The following HS2ST1 variants were observed in gnomAD, a reference collection of about 807,000 sequenced individuals.
The protein encoded by HS2ST1 is 2-O-sulfotransferase.
HS2ST1 carries 18 observed loss-of-function variants against 42.9 expected under a neutral mutation model. The ratio of observed to expected loss-of-function variants is 0.42; its 90% CI spans 0.29 to 0.62. The LOEUF is 0.62. HS2ST1 is among the 20% of genes least tolerant of loss of function. HS2ST1 has a pLI of 0.21. For synonymous variants in HS2ST1, 146 were observed against 152.9 expected (o/e 0.95, Z 0.33); for missense variants, 334 against 433.8 (o/e 0.77, Z 2.04).
intron 1 of HS2ST1, among the ~76,000 whole-genome samples, chr1:86,969,514 A>AC (rs1451292428): frequency 6.6e-6 from 1 of 152,208 alleles, no homozygotes; most frequent in Non-Finnish European, 1.5e-5. Flanking sequence ...TAAGAGCTAG[A>AC]CTTTCATAAT....
chr1:87,088,802 A>G lies in HS2ST1; in HGVS notation c.450-3729A>G, dbSNP rs117014535. Reference sequence around the variant, plus strand: ...AATGCCCCTTTTTAAGACATAAATTACTTTAAAAATATTTATTTACACTAT... The same window carrying G: ...AATGCCCCTTTTTAAGACATAAATTGCTTTAAAAATATTTATTTACACTAT... On this transcript the variant is annotated intron_variant, in intron 3 of 6. Coordinates refer to ENST00000370550, the MANE Select transcript of HS2ST1 (RefSeq NM_012262.4). Among the ~76,000 whole-genome samples the G allele has an allele frequency of 4.3e-4, 66 of 152,070 alleles. No individual in the cohort carries two copies. The East Asian group carries it at 8.9e-3, about 20-fold the overall frequency.
At chr1:87,064,832 T>A (rs1047323489) in intron 1 of HS2ST1, among the ~76,000 whole-genome samples, 2 of 152,116 alleles carry the variant, frequency 1.3e-5, no homozygotes, top group Non-Finnish European at 2.9e-5. Flanking sequence ...AGCTAATTTT[T>A]AAAAATTTTT....
intron 1 of HS2ST1, among the ~76,000 whole-genome samples, chr1:87,025,501 A>G (rs972810205): frequency 1.3e-5 from 2 of 152,194 alleles, no homozygotes; most frequent in Non-Finnish European, 1.5e-5. Context: ...AAAAGGGTAA[A>G]TTTGGAATTA....
intron 3 of HS2ST1, among the ~76,000 whole-genome samples, chr1:87,085,988 T>A (rs1003208883): frequency 5.3e-5 from 8 of 152,136 alleles, no homozygotes; most frequent in African/African-American, 1.9e-4. Context: ...TTGTGAAAAT[T>A]TTTCATAGAT....
intron 1 of HS2ST1, among the ~76,000 whole-genome samples, chr1:86,957,793 AT>A (rs34769860): frequency 0.24 from 32,055 of 136,260 alleles, 3,817 homozygotes; most frequent in African/African-American, 0.37. Context: ...GTTTTTTTAG[AT>A]TTTTTTTTTT....
intron 1 of HS2ST1, among the ~76,000 whole-genome samples, chr1:87,041,768 A>G (rs117595371): frequency 1.3e-5 from 2 of 152,320 alleles, no homozygotes; most frequent in East Asian, 3.9e-4. Context: ...ATGGAATTTC[A>G]TTCTTTTAAA....
chr1:87,042,530 C>G (rs1477877728), intron 1 of HS2ST1, among the ~76,000 whole-genome samples: 2 of 152,024 alleles, frequency 1.3e-5, no homozygotes, highest in Non-Finnish European at 2.9e-5. Flanking sequence ...AAATGAAAAA[C>G]CCATCTCCTT....
At chr1:86,988,761 G>T (rs1570467227) in intron 1 of HS2ST1, among the ~76,000 whole-genome samples, 1 of 152,168 alleles carries the variant, frequency 6.6e-6, no homozygotes, top group South Asian at 2.1e-4. Flanking sequence ...ATTCAAACGG[G>T]TCATTTTGTT....
intron 1 of HS2ST1, among the ~76,000 whole-genome samples, chr1:87,002,955 A>G (rs775315043): frequency 6.6e-6 from 1 of 152,252 alleles, no homozygotes; most frequent in Non-Finnish European, 1.5e-5. Flanking sequence ...TAAATGTACA[A>G]CACATAAGTG....
chr1:86,953,242 G>C (rs1647575356), intron 1 of HS2ST1, among the ~76,000 whole-genome samples: 1 of 152,224 alleles, frequency 6.6e-6, no homozygotes, highest in Non-Finnish European at 1.5e-5. Flanking sequence ...CTCTGGGGTA[G>C]GCTTTGACTT....
At chr1:86,927,948 C>CTTCAGACAATGAATTGTACATCAAA (rs1553130577) in intron 1 of HS2ST1, among the ~76,000 whole-genome samples, 13 of 152,134 alleles carry the variant, frequency 8.5e-5, no homozygotes, top group African/African-American at 3.1e-4. Context: ...CATAGCTTGT[C>CTTCAGACAATGAATTGTACATCAAA]TTCAGACAAT....
At chr1:87,027,631 A>G (rs1012259971) in intron 1 of HS2ST1, among the ~76,000 whole-genome samples, 4 of 152,336 alleles carry the variant, frequency 2.6e-5, no homozygotes, top group African/African-American at 9.6e-5. Context: ...GTAGTTACAG[A>G]TTCTCAACTG....
intron 1 of HS2ST1, among the ~76,000 whole-genome samples, chr1:87,036,404 C>T (rs143342892): frequency 1.2e-4 from 18 of 152,134 alleles, no homozygotes; most frequent in African/African-American, 4.3e-4. Flanking sequence ...CTTTAAAGCA[C>T]TGTTAATTTA....
At chr1:87,080,274 C>T (rs974226475) in intron 2 of HS2ST1, among the ~76,000 whole-genome samples, 7 of 151,882 alleles carry the variant, frequency 4.6e-5, no homozygotes, top group South Asian at 2.1e-4. Context: ...AATGGTTGTC[C>T]GGTAAAGAGA....
At chr1:87,013,273 C>T (rs930721944) in intron 1 of HS2ST1, among the ~76,000 whole-genome samples, 1 of 152,232 alleles carries the variant, frequency 6.6e-6, no homozygotes, top group African/African-American at 2.4e-5. Flanking sequence ...TTCCATACAA[C>T]CTCTGAAATC....
At chr1:86,922,745 T>C (rs758348682) in intron 1 of HS2ST1, among the ~76,000 whole-genome samples, 35 of 152,180 alleles carry the variant, frequency 2.3e-4, no homozygotes, top group Non-Finnish European at 4.4e-4. Context: ...TTTTCCTCTT[T>C]TGCCTACTTT....
At chr1:86,951,479 G>T (rs540664751) in intron 1 of HS2ST1, among the ~76,000 whole-genome samples, 1 of 152,334 alleles carries the variant, frequency 6.6e-6, no homozygotes, top group South Asian at 2.1e-4. Context: ...TATTAAGTGT[G>T]CAGTAGCATT....
Position 86,935,455 on chromosome 1 carries a change from C to CTTTTT in HS2ST1, c.124+20316_124+20320dup, listed in dbSNP as rs552713297. On this transcript the variant is annotated intron_variant, in intron 1 of 6. Transcript: ENST00000370550. ...GAGGTTTTGTAATTTTCTTTTTCTC[C>CTTTTT]TTTTTTTTTTTTTTTTTTTTTTTTT... 3.4e-4 allele frequency among the ~76,000 whole-genome samples: 21 copies of CTTTTT among 62,058 alleles called. 2 individuals carry two copies. Among genetic ancestry groups the CTTTTT allele is most frequent in the Non-Finnish European group, 3.9e-4 (13 of 33,626 alleles). 40.7% of individuals were successfully genotyped at this position (62,058 alleles called of 152,430 possible). A position where few individuals can be genotyped will look rare whatever the true frequency, so the allele number is the denominator to read the frequency against.
At chr1:87,003,912 T>TA (rs1181743817) in intron 1 of HS2ST1, among the ~76,000 whole-genome samples, 1 of 152,180 alleles carries the variant, frequency 6.6e-6, no homozygotes, top group East Asian at 1.9e-4. Flanking sequence ...CCAGAGTTCC[T>TA]AAAACCAATC....
Sources: gnomAD v4.1 joint callset for allele counts (sites outside exome capture counted in the v4.1 genomes callset) on GRCh38, gnomAD v4.1.1 for gene constraint, MANE v1.5 for transcripts, NCBI Gene and HGNC (gene_info 2026-07-23, HGNC 2026-07-21) for gene names.